SEMA4C: variants seen among roughly 807,000 people sequenced by gnomAD.
SEMA4C encodes semaphorin-4C.
In SEMA4C, 19 loss-of-function variants were observed where a neutral mutation model predicts 89.0. That is an observed-to-expected ratio of 0.21 (90% CI 0.15 to 0.31). SEMA4C has a LOEUF of 0.31. Ranked by LOEUF, SEMA4C falls within the 10% of genes least tolerant of loss-of-function variation. SEMA4C has a pLI of 1.00. For missense variants in SEMA4C, 811 were observed against 1,107.0 expected (o/e 0.73, Z 3.79); for synonymous variants, 428 against 472.7 (o/e 0.91, Z 1.23).
At position 96,862,000 on chromosome 2, in the gene SEMA4C, G is replaced by C; in HGVS notation, c.1444-106C>G. 2 of 1,228,110 alleles carry C rather than the reference G, an allele frequency of 1.6e-6. No homozygotes were observed. Among genetic ancestry groups the C allele is most frequent in the Non-Finnish European group, 2.3e-6 (2 of 886,212 alleles). 76.1% of individuals were successfully genotyped at this position (1,228,110 alleles called of 1,614,324 possible). On this transcript the variant is annotated intron_variant, in intron 12 of 14. Coordinates refer to ENST00000305476, the MANE Select transcript of SEMA4C (RefSeq NM_017789.5). The surrounding 1 kb of genome is among the most constrained non-coding windows in gnomAD (Gnocchi z 7.8). ...GGGACAGCTTGGACTCCTGCAGGGG[G>C]CACAGCACGGGGCGCCAGAAGGAGG...
At position 96,869,925 on chromosome 2, in the gene SEMA4C, G is replaced by C; in HGVS notation, c.-87C>G. On this transcript the variant is annotated 5_prime_UTR_variant, in exon 1 of 15. Coordinates refer to ENST00000305476, the MANE Select transcript of SEMA4C (RefSeq NM_017789.5). Reference sequence around the variant, plus strand: ...GGGCGCCGCCCTCGCGTTCGGCTCTGACCGCCGTCCACCCCTGCCCCCGCG... The same window carrying C: ...GGGCGCCGCCCTCGCGTTCGGCTCTCACCGCCGTCCACCCCTGCCCCCGCG... 1 of 986,580 alleles carries C rather than the reference G, an allele frequency of 1.0e-6. No individual in the cohort carries two copies. Among genetic ancestry groups the C allele is most frequent in the Non-Finnish European group, 1.2e-6 (1 of 830,494 alleles). 61.1% of individuals were successfully genotyped at this position (986,580 alleles called of 1,614,324 possible).
chr2:96,866,715 T>C (rs1314885069), intron 2 of SEMA4C: 2 of 563,640 alleles, frequency 3.5e-6, no homozygotes, highest in African/African-American at 3.7e-5. Flanking sequence ...TGATGGCTCT[T>C]GCTCTCAGGG....
chr2:96,860,360 T>C lies in SEMA4C; in HGVS notation c.*266A>G. 2.0e-6 allele frequency: 1 copy of C among 494,962 alleles called. No homozygotes were observed. The highest frequency in any genetic ancestry group is 1.9e-5 in the African/African-American group (1 of 51,830). 30.7% of individuals were successfully genotyped at this position (494,962 alleles called of 1,614,324 possible). A position where few individuals can be genotyped will look rare whatever the true frequency, so the allele number is the denominator to read the frequency against. ...AACACACATCTTGAAACTTCTGCCT[T>C]GAAAAGTTTTGGCGGCTGGGGTCCC... On this transcript the variant is annotated 3_prime_UTR_variant, in exon 15 of 15. Transcript: ENST00000305476.
chr2:96,861,152 AG>A lies in SEMA4C; in HGVS notation c.1975del (p.Leu659TrpfsTer87), dbSNP rs1436989321. On this transcript the variant is annotated frameshift_variant, in exon 15 of 15. Transcript: ENST00000305476. LOFTEE classifies it high-confidence loss of function. This position sits in a 1 kb window ranked among gnomAD's most constrained non-coding sequence, Gnocchi z 7.8. ...CAGCCACACCAGCCCCAGGTTTTCC[AG>A]GGGGGCCCGGGCCTCCAAGGTCACC... Reference protein sequence around the residue: ...PSVTLEARAPLENLGLVWLAV... With the variant: ...PSVTLEARAPXENLGLVWLAV... The A allele has an allele frequency of 6.2e-7, 1 of 1,610,756 alleles. No homozygotes were observed. Among genetic ancestry groups the A allele is most frequent in the Non-Finnish European group, 8.5e-7 (1 of 1,179,626 alleles).
In SEMA4C at chr2:96,860,279, C is replaced by T. The variant is rs556342244; in HGVS notation, c.*347G>A. Reference sequence around the variant, plus strand: ...ACAGGAAGGCTATGCCACAAGCGCGCACGCGCGTGCACACACACATACACA... The same window carrying T: ...ACAGGAAGGCTATGCCACAAGCGCGTACGCGCGTGCACACACACATACACA... On this transcript the variant is annotated 3_prime_UTR_variant, in exon 15 of 15. Coordinates refer to ENST00000305476, the MANE Select transcript of SEMA4C (RefSeq NM_017789.5). 5 of 259,066 alleles carry T rather than the reference C, an allele frequency of 1.9e-5. No homozygotes were observed. The highest frequency in any genetic ancestry group is 1.1e-4 in the African/African-American group (5 of 45,326). The allele number at this position is 259,066 out of a possible 1,614,324, so 16.0% of individuals were successfully genotyped here.
intron 3 of SEMA4C, 101 bp from the exon 4 acceptor site, chr2:96,866,030 G>A (rs2080062414): frequency 1.6e-6 from 2 of 1,271,726 alleles, no homozygotes; most frequent in Non-Finnish European, 2.3e-6. Context: ...CCAGTGCAGA[G>A]GCATGGTCCC....
chr2:96,870,282 C>T (rs922930061), upstream of SEMA4C: 1 of 985,542 alleles, frequency 1.0e-6, no homozygotes, highest in African/African-American at 1.7e-5. Context: ...TGTCCAGCAG[C>T]CCCGGGGCTC....
In SEMA4C at chr2:96,870,012, C is replaced by T; in HGVS notation, c.-174G>A. ...GGCCTCTCTGCCACCGCCCCTCCGT[C>T]CCCGCCCGGCTCCGCGCCCCTAGGC... is the stretch of plus-strand genomic sequence containing the variant. On this transcript the variant is annotated 5_prime_UTR_variant, in exon 1 of 15. Coordinates refer to ENST00000305476, the MANE Select transcript of SEMA4C (RefSeq NM_017789.5). 1.0e-6 allele frequency: 1 copy of T among 985,800 alleles called. No homozygotes were observed. Among genetic ancestry groups the T allele is most frequent in the Non-Finnish European group, 1.2e-6 (1 of 829,824 alleles). The allele number at this position is 985,800 out of a possible 1,614,324, so 61.1% of individuals were successfully genotyped here. A position where few individuals can be genotyped will look rare whatever the true frequency, so the allele number is the denominator to read the frequency against.
Position 96,861,696 on chromosome 2 carries a change from T to G in SEMA4C, c.1601+41A>C. 1 of 1,604,206 alleles carries G rather than the reference T, an allele frequency of 6.2e-7. No homozygotes were observed. The highest frequency in any genetic ancestry group is 8.5e-7 in the Non-Finnish European group (1 of 1,173,206). On this transcript the variant is annotated intron_variant, in intron 13 of 14. Transcript: ENST00000305476. The surrounding 1 kb of genome is among the most constrained non-coding windows in gnomAD (Gnocchi z 7.8). ...ATCAGCAGCCTGGCTCCAACCACCCTGAGTCCCTGGAGGTCCTGGCCTATG... is the reference window on the plus strand; with the variant it reads ...ATCAGCAGCCTGGCTCCAACCACCCGGAGTCCCTGGAGGTCCTGGCCTATG...
chr2:96,866,658 G>T (rs1452139368), intron 2 of SEMA4C: 2 of 690,380 alleles, frequency 2.9e-6, no homozygotes, highest in Admixed American at 2.0e-5. Flanking sequence ...CTGGGAGGAA[G>T]GAAGGATATC....
rs550902398 is a variant in SEMA4C, at chr2:96,869,584, T to C, written c.-38+292A>G. On this transcript the variant is annotated intron_variant, in intron 1 of 14. Coordinates refer to ENST00000305476, the MANE Select transcript of SEMA4C (RefSeq NM_017789.5). ...GAGCGCCGAGGGCAGTCCAGGAGCC[T>C]GGCGAGGATCCCGGCCGCGGACCGG... 2.0e-6 allele frequency: 2 copies of C among 985,218 alleles called. 1 individual carries two copies. The highest frequency in any genetic ancestry group is 9.4e-5 in the South Asian group (2 of 21,292). The allele number at this position is 985,218 out of a possible 1,614,324, so 61.0% of individuals were successfully genotyped here.
intron 1 of SEMA4C, chr2:96,869,097 C>A: frequency 1.0e-6 from 1 of 985,390 alleles, no homozygotes; most frequent in Middle Eastern, 5.2e-4. Flanking sequence ...CGGACGCCCC[C>A]TGTCGGCCCA....
chr2:96,864,912 G>T lies in SEMA4C; in HGVS notation c.787-32C>A. On this transcript the variant is annotated intron_variant, in intron 8 of 14. Coordinates refer to ENST00000305476, the MANE Select transcript of SEMA4C (RefSeq NM_017789.5). The surrounding 1 kb of genome is among the most constrained non-coding windows in gnomAD (Gnocchi z 6.3). ...GACGGCAAGGGGACACTGCCGGTCA[G>T]CCCCGCTGGGCCAGCAGGGCTCCCA... 6.2e-7 allele frequency: 1 copy of T among 1,611,374 alleles called. No homozygotes were observed.
chr2:96,864,561 G>A lies in SEMA4C; in HGVS notation c.962+144C>T. On this transcript the variant is annotated intron_variant, in intron 9 of 14. Coordinates refer to ENST00000305476, the MANE Select transcript of SEMA4C (RefSeq NM_017789.5). This position sits in a 1 kb window ranked among gnomAD's most constrained non-coding sequence, Gnocchi z 6.3. ...GCCCCTTCACAGGCAGCTCTGAAAG[G>A]GGCAGGTGCCAGCATTCTCCTTGGC... is the stretch of plus-strand genomic sequence containing the variant. The A allele has an allele frequency of 7.5e-7, 1 of 1,339,974 alleles. No homozygotes were observed. The allele number at this position is 1,339,974 out of a possible 1,614,324, so 83.0% of individuals were successfully genotyped here.
In SEMA4C at chr2:96,864,438, C is replaced by T. The variant is rs2080023322; in HGVS notation, c.963-56G>A. On this transcript the variant is annotated intron_variant, in intron 9 of 14. Coordinates refer to ENST00000305476, the MANE Select transcript of SEMA4C (RefSeq NM_017789.5). The surrounding 1 kb of genome is among the most constrained non-coding windows in gnomAD (Gnocchi z 6.3). ...GTACCCACCTTATCTCTTCCCACCCCAGCTAAGGGCAAGCAGCAGGAAGGC... is the reference window on the plus strand; with the variant it reads ...GTACCCACCTTATCTCTTCCCACCCTAGCTAAGGGCAAGCAGCAGGAAGGC... 25 of 1,601,892 alleles carry T rather than the reference C, an allele frequency of 1.6e-5. No individual in the cohort carries two copies. The South Asian group carries it at 2.4e-4, about 16-fold the overall frequency.
rs1293422919 is a variant in SEMA4C, at chr2:96,864,159, G to A, written c.1108-11C>T. On this transcript the variant is annotated splice_polypyrimidine_tract_variant and intron_variant, in intron 10 of 14. Coordinates refer to ENST00000305476, the MANE Select transcript of SEMA4C (RefSeq NM_017789.5). This position sits in a 1 kb window ranked among gnomAD's most constrained non-coding sequence, Gnocchi z 6.3. ...CCAGTTGTTAATGCACTGGGGGCAG[G>A]GTGTGGGGGGCAGGCCATCAGCAGG... 1.9e-6 allele frequency: 3 copies of A among 1,612,750 alleles called. No homozygotes were observed. The Admixed American group carries it at 5.0e-5, about 27-fold the overall frequency.
chr2:96,869,549 T>A (rs1195069578), intron 1 of SEMA4C: 1 of 985,088 alleles, frequency 1.0e-6, no homozygotes, highest in Non-Finnish European at 1.2e-6. Context: ...AAACTTTCCA[T>A]CGGGGGTGGG....
In SEMA4C at chr2:96,870,075, T is replaced by A; in HGVS notation, c.-237A>T. 1.0e-6 allele frequency: 1 copy of A among 971,166 alleles called. No homozygotes were observed. Among genetic ancestry groups the A allele is most frequent in the Non-Finnish European group, 1.2e-6 (1 of 817,190 alleles). The allele number at this position is 971,166 out of a possible 1,614,324, so 60.2% of individuals were successfully genotyped here. On this transcript the variant is annotated 5_prime_UTR_variant, in exon 1 of 15. Transcript: ENST00000305476. ...CGCCACCACGGCGGGCGCCGGCTCT[T>A]TCTCCAGCGCGGCCGCGGCTCTCCG...
At chr2:96,862,076 C>T (rs1004725609) in intron 12 of SEMA4C, 182 bp from the exon 13 acceptor site, 27 of 655,990 alleles carry the variant, frequency 4.1e-5, no homozygotes, top group Middle Eastern at 4.2e-4. Flanking sequence ...CTCTAAGAAC[C>T]GCAGAACTCA....
Sources: allele counts gnomAD v4.1 joint callset, GRCh38; gene constraint gnomAD v4.1.1; non-coding constraint Gnocchi (gnomAD v3.1); transcripts MANE v1.5; gene names NCBI Gene and HGNC (gene_info 2026-07-23, HGNC 2026-07-21).